CDH10: variants seen among roughly 807,000 people sequenced by gnomAD.
CDH10 encodes cadherin-10.
In CDH10, 30 loss-of-function variants were observed where a neutral mutation model predicts 73.1. That is an observed-to-expected ratio of 0.41 (90% CI 0.31 to 0.56). CDH10 has a LOEUF of 0.56. CDH10 is among the 20% of genes least tolerant of loss of function. The pLI is 0.27. For synonymous variants in CDH10, 345 were observed against 348.2 expected (o/e 0.99, Z 0.10); for missense variants, 815 against 973.7 (o/e 0.84, Z 2.17).
chr5:24,563,296 T>C (rs1745028085), intron 2 of CDH10, among the ~76,000 whole-genome samples: 1 of 152,090 alleles, frequency 6.6e-6, no homozygotes, highest in South Asian at 2.1e-4. Context: ...AGCAGGATTA[T>C]CACAGAAACG....
In CDH10 at chr5:24,524,827, T is replaced by C. The variant is rs142006150; in HGVS notation, c.814+10285A>G. 1.4e-3 allele frequency among the ~76,000 whole-genome samples: 215 copies of C among 152,170 alleles called. 1 individual carries two copies. Among genetic ancestry groups the C allele is most frequent in the Admixed American group, 3.5e-3 (54 of 15,262 alleles). ...CAAAATGTGGGGCTACATAAATAAG[T>C]GCACTTTCATCCTGATACTGACAAC... is the stretch of plus-strand genomic sequence containing the variant. On this transcript the variant is annotated intron_variant, in intron 5 of 11. Transcript: ENST00000264463.
chr5:24,498,583 T>C, intron 8 of CDH10, 64 bp from the exon 9 acceptor site: 1 of 1,115,302 alleles, frequency 9.0e-7, no homozygotes, highest in Non-Finnish European at 1.4e-6. Context: ...TTAATTTATA[T>C]AGGCATCTTG....
chr5:24,519,840 A>G (rs1175508466), intron 5 of CDH10, among the ~76,000 whole-genome samples: 2 of 152,180 alleles, frequency 1.3e-5, no homozygotes, highest in Admixed American at 1.3e-4. Flanking sequence ...TAACTATAGA[A>G]ACATACTGTC....
At chr5:24,491,973 A>G (rs1437143956) in intron 10 of CDH10, 146 bp from the exon 11 acceptor site, 2 of 556,206 alleles carry the variant, frequency 3.6e-6, no homozygotes, top group Non-Finnish European at 6.3e-6. Flanking sequence ...GTACAATGCA[A>G]TTAATATATA....
At chr5:24,535,476 C>CGTA (rs1422199586) in intron 4 of CDH10, among the ~76,000 whole-genome samples, 197 bp from the exon 5 acceptor site, 2 of 151,886 alleles carry the variant, frequency 1.3e-5, no homozygotes, top group African/African-American at 4.8e-5. Flanking sequence ...CTAGCAATAC[C>CGTA]ACATGTGCTT....
intron 5 of CDH10, among the ~76,000 whole-genome samples, chr5:24,524,565 G>T (rs1743456222): frequency 6.6e-6 from 1 of 151,998 alleles, no homozygotes. Flanking sequence ...ATTTATAGTT[G>T]TTTTAAATTC....
chr5:24,610,271 G>T (rs1430487666), intron 1 of CDH10, among the ~76,000 whole-genome samples: 1 of 152,110 alleles, frequency 6.6e-6, no homozygotes, highest in Non-Finnish European at 1.5e-5. Flanking sequence ...GGAAAATGAG[G>T]CAAAGAATCC....
intron 2 of CDH10, among the ~76,000 whole-genome samples, chr5:24,546,771 A>G (rs951744160): frequency 2.6e-5 from 4 of 152,090 alleles, no homozygotes; most frequent in African/African-American, 9.7e-5. Flanking sequence ...ATAAGAACCA[A>G]GTTTTCTACT....
At chr5:24,631,943 T>C (rs1056052625) in intron 1 of CDH10, among the ~76,000 whole-genome samples, 3 of 152,102 alleles carry the variant, frequency 2.0e-5, no homozygotes, top group East Asian at 1.9e-4. Flanking sequence ...AATAATTCTA[T>C]TTGAGAGGAA....
At chr5:24,583,964 G>A (rs1330499317) in intron 2 of CDH10, among the ~76,000 whole-genome samples, 1 of 152,040 alleles carries the variant, frequency 6.6e-6, no homozygotes, top group Non-Finnish European at 1.5e-5. Context: ...TAATAATGGC[G>A]AATGAGGTAT....
At chr5:24,600,935 T>C (rs1746539477) in intron 1 of CDH10, among the ~76,000 whole-genome samples, 1 of 152,016 alleles carries the variant, frequency 6.6e-6, no homozygotes, top group African/African-American at 2.4e-5. Flanking sequence ...CTGTAGACAG[T>C]GTTGGGTTAT....
At chr5:24,622,379 G>A (rs1049424699) in intron 1 of CDH10, among the ~76,000 whole-genome samples, 1 of 152,140 alleles carries the variant, frequency 6.6e-6, no homozygotes, top group Admixed American at 6.6e-5. Context: ...AAGGGCCTGA[G>A]GGAAGAAGGG....
chr5:24,562,838 A>G (rs1400978912), intron 2 of CDH10, among the ~76,000 whole-genome samples: 1 of 152,114 alleles, frequency 6.6e-6, no homozygotes, highest in Non-Finnish European at 1.5e-5. Flanking sequence ...ACTTTGAAAC[A>G]CTTACAAACT....
At chr5:24,627,386 GA>G (rs936735048) in intron 1 of CDH10, among the ~76,000 whole-genome samples, 75 of 151,664 alleles carry the variant, frequency 4.9e-4, no homozygotes, top group African/African-American at 1.7e-3. Context: ...CATTGAAAAG[GA>G]AAAAAATAAG....
intron 5 of CDH10, among the ~76,000 whole-genome samples, chr5:24,532,340 C>A (rs1334471727): frequency 6.6e-6 from 1 of 152,000 alleles, no homozygotes; most frequent in African/African-American, 2.4e-5. Flanking sequence ...CCACTGAGTC[C>A]ATGCTTCCTA....
chr5:24,556,250 A>G (rs1440517765), intron 2 of CDH10, among the ~76,000 whole-genome samples: 1 of 152,102 alleles, frequency 6.6e-6, no homozygotes, highest in African/African-American at 2.4e-5. Flanking sequence ...ATGTATCATC[A>G]GGTTGTTCCT....
intron 1 of CDH10, among the ~76,000 whole-genome samples, chr5:24,639,744 A>G (rs1004346444): frequency 1.3e-5 from 2 of 151,830 alleles, no homozygotes; most frequent in Non-Finnish European, 3.0e-5. Context: ...ATTGCTTTCT[A>G]GAAACATGTA....
At chr5:24,547,159 T>C (rs1213125023) in intron 2 of CDH10, among the ~76,000 whole-genome samples, 1 of 152,218 alleles carries the variant, frequency 6.6e-6, no homozygotes, top group Non-Finnish European at 1.5e-5. Flanking sequence ...ATAATATAAA[T>C]GCTAATCCAA....
intron 7 of CDH10, among the ~76,000 whole-genome samples, chr5:24,508,964 G>A (rs1248484633): frequency 2.6e-5 from 4 of 152,082 alleles, no homozygotes; most frequent in African/African-American, 4.8e-5. Context: ...AATAAACACC[G>A]TAAGGAGACA....
Sources: allele counts gnomAD v4.1 joint callset (sites outside exome capture counted in the v4.1 genomes callset), GRCh38; gene constraint gnomAD v4.1.1; transcripts MANE v1.5; gene names NCBI Gene and HGNC (gene_info 2026-07-23, HGNC 2026-07-21).